EPGN: variants seen among roughly 807,000 people sequenced by gnomAD.
EPGN encodes epithelial mitogen.
Under a neutral mutation model 20.7 loss-of-function variants are expected in EPGN, and 21 were observed. The ratio of observed to expected loss-of-function variants is 1.01; its 90% CI spans 0.72 to 1.46. The LOEUF (loss-of-function observed/expected upper bound fraction) is 1.46, where lower values mean the gene tolerates loss of function less well. EPGN is among the 40% of genes most tolerant of loss of function. The pLI is 0.00. For missense variants in EPGN, 199 were observed against 180.7 expected (o/e 1.10, Z -0.58); for synonymous variants, 69 against 63.8 (o/e 1.08, Z -0.39).
chr4:74,313,461 A>C, intron 4 of EPGN: 1 of 1,262,456 alleles, frequency 7.9e-7, no homozygotes, highest in Non-Finnish European at 9.9e-7. Flanking sequence ...AGCAGGCCCC[A>C]AGAAAGTAGG....
At chr4:74,309,029 C>A (rs1041993577) in intron 1 of EPGN, 64 bp from the exon 2 acceptor site, 1 of 1,160,150 alleles carries the variant, frequency 8.6e-7, no homozygotes, top group Admixed American at 2.0e-5. Context: ...AGAATACTTT[C>A]CATCTGTTGC....
chr4:74,308,590 T>C lies in EPGN; in HGVS notation c.43+14T>C, dbSNP rs1422287256. ...TTTTATTCAACGGTAGGTAATTTCC[T>C]TTTGTTTTGTTAACTTTATATCAGT... is the stretch of plus-strand genomic sequence containing the variant. On this transcript the variant is annotated intron_variant, in intron 1 of 4. Coordinates refer to ENST00000413830, the MANE Select transcript of EPGN (RefSeq NM_001270989.2). 1 of 1,606,558 alleles carries C rather than the reference T, an allele frequency of 6.2e-7. No individual in the cohort carries two copies. Among genetic ancestry groups the C allele is most frequent in the Admixed American group, 1.7e-5 (1 of 59,596 alleles).
intron 2 of EPGN, 97 bp from the exon 3 acceptor site, chr4:74,312,087 AT>A: frequency 2.9e-6 from 4 of 1,376,678 alleles, no homozygotes; most frequent in South Asian, 1.6e-5. Context: ...CCACCCCCAA[AT>A]ATCCTTAAAA....
In EPGN at chr4:74,316,139, C is replaced by G. The variant is rs1420969155; in HGVS notation, c.*1502C>G. ...CCAAATCTGCATTGCCGGTGAGATC[C>G]TCAACATCAGCATGTTGAGATGGAC... On this transcript the variant is annotated 3_prime_UTR_variant, in exon 5 of 5. Transcript: ENST00000413830. 6.6e-6 allele frequency among the ~76,000 whole-genome samples: 1 copy of G among 152,086 alleles called. No individual in the cohort carries two copies. The highest frequency in any genetic ancestry group is 6.6e-5 in the Admixed American group (1 of 15,252).
chr4:74,313,737 T>C, intron 4 of EPGN: 1 of 680,266 alleles, frequency 1.5e-6, no homozygotes, highest in Non-Finnish European at 1.8e-6. Flanking sequence ...TCTTGTTTTT[T>C]CCACATGAGT....
intron 4 of EPGN, chr4:74,314,107 G>A: frequency 4.4e-6 from 2 of 456,404 alleles, no homozygotes; most frequent in Non-Finnish European, 8.8e-6. Context: ...TTAGTTGAGG[G>A]AGTACTCTAC....
chr4:74,310,937 A>T (rs1750898244), intron 2 of EPGN, among the ~76,000 whole-genome samples: 1 of 152,190 alleles, frequency 6.6e-6, no homozygotes, highest in Non-Finnish European at 1.5e-5. Context: ...TTTCCCTATG[A>T]GGTTGGTTGA....
At chr4:74,310,577 T>C (rs181015551) in intron 2 of EPGN, among the ~76,000 whole-genome samples, 8 of 152,182 alleles carry the variant, frequency 5.3e-5, no homozygotes, top group African/African-American at 1.4e-4. Flanking sequence ...TTTTTTTTTC[T>C]TCCTTAATGG....
chr4:74,313,765 A>G (rs1021268297), intron 4 of EPGN, among the ~76,000 whole-genome samples: 1 of 152,168 alleles, frequency 6.6e-6, no homozygotes, highest in Non-Finnish European at 1.5e-5. Flanking sequence ...CCTTAAATCC[A>G]TGTAACTAGG....
At chr4:74,308,707 T>G in intron 1 of EPGN, 131 bp downstream of exon 1, 1 of 728,880 alleles carries the variant, frequency 1.4e-6, no homozygotes, top group Non-Finnish European at 2.2e-6. Context: ...GTAATGAATC[T>G]GTGGATTAAT....
rs1469599795 is a variant in EPGN at position 74,312,199 on chromosome 4, G to A, written c.148G>A (p.Gly50Arg). 1 of 1,606,632 alleles carries A rather than the reference G, an allele frequency of 6.2e-7. No individual in the cohort carries two copies. The highest frequency in any genetic ancestry group is 1.1e-5 in the South Asian group (1 of 89,296). The change falls in exon 3 of 5, where the codon GGA becomes AGA. Residue 50 changes from glycine (G) to arginine (R), a missense_variant. Physicochemically the swap from Gly to Arg is moderately radical, Grantham distance 125. Coordinates refer to ENST00000413830, the MANE Select transcript of EPGN (RefSeq NM_001270989.2). ...CCTTTTCCTAGCTGACAACATAGAA[G>A]GACCCATAGCCTTGAAGTTCTCACA... ...VNKTEADNIE[G>R]PIALKFSHLC... is the part of the protein sequence containing the mutation.
At chr4:74,309,578 C>A (rs1234780676) in intron 2 of EPGN, among the ~76,000 whole-genome samples, 1 of 139,814 alleles carries the variant, frequency 7.2e-6, no homozygotes, top group African/African-American at 3.3e-5. Flanking sequence ...ATTATGGCTA[C>A]AAGATGAACA....
intron 2 of EPGN, 56 bp from the exon 3 acceptor site, chr4:74,312,129 T>G (rs1201973415): frequency 6.5e-7 from 1 of 1,538,846 alleles, no homozygotes; most frequent in Non-Finnish European, 8.7e-7. Context: ...GTATTAAAAA[T>G]TTACCATAAA....
At chr4:74,313,939 T>C (rs1313248611) in intron 4 of EPGN, among the ~76,000 whole-genome samples, 2 of 152,168 alleles carry the variant, frequency 1.3e-5, no homozygotes, top group South Asian at 4.1e-4. Flanking sequence ...GAATCAAATC[T>C]ATATTATATC....
Position 74,309,148 on chromosome 4 carries a change from C to T in EPGN, c.99C>T (p.Ala33=). Residue 33 remains alanine (A), a synonymous_variant, in exon 2 of 5, where the codon GCC becomes GCT. Transcript: ENST00000413830. The part of the protein sequence containing the change: ...AAVTVTPPIT[A]QQGNWTVNKT... Reference sequence around the variant, plus strand: ...TGACTGTAACACCTCCAATCACAGCCCAGCAAGGTAACTGGACAGTTAACA... The same window carrying T: ...TGACTGTAACACCTCCAATCACAGCTCAGCAAGGTAACTGGACAGTTAACA... 6.2e-7 allele frequency: 1 copy of T among 1,613,482 alleles called. No homozygotes were observed. Among genetic ancestry groups the T allele is most frequent in the Non-Finnish European group, 8.5e-7 (1 of 1,179,586 alleles).
chr4:74,314,008 G>T (rs1243976100), intron 4 of EPGN: 12 of 410,594 alleles, frequency 2.9e-5, no homozygotes, highest in Non-Finnish European at 5.8e-5. Flanking sequence ...AGGAGGAGGA[G>T]GTAAGACTTT....
intron 3 of EPGN, 109 bp downstream of exon 3, chr4:74,312,414 A>C: frequency 1.5e-6 from 2 of 1,302,726 alleles, no homozygotes; most frequent in Admixed American, 5.2e-5. Flanking sequence ...AAAAGGGTGC[A>C]TAATCTGAAC....
chr4:74,313,456 G>A (rs2110356261), intron 4 of EPGN: 1 of 1,267,002 alleles, frequency 7.9e-7, no homozygotes, highest in East Asian at 3.2e-5. Flanking sequence ...AGGACAGCAG[G>A]CCCCAAGAAA....
chr4:74,312,142 T>G, intron 2 of EPGN, 43 bp from the exon 3 acceptor site: 2 of 1,558,752 alleles, frequency 1.3e-6, no homozygotes, highest in African/African-American at 2.8e-5. Flanking sequence ...ACCATAAAAG[T>G]AAGACACATT....
Sources: allele counts gnomAD v4.1 joint callset (sites outside exome capture counted in the v4.1 genomes callset), GRCh38; gene constraint gnomAD v4.1.1; transcripts MANE v1.5; gene names NCBI Gene and HGNC (gene_info 2026-07-23, HGNC 2026-07-21).